The following REDIC1 variants were observed in gnomAD, a reference collection of about 807,000 sequenced individuals.
The protein encoded by REDIC1 is HEI10 Interacting Protein 1.
chr12:39,864,783 T>C, the REDIC1 span: 1 of 1,614,020 alleles, frequency 6.2e-7, no homozygotes, highest in Non-Finnish European at 8.5e-7. Flanking sequence ...GCAAGTGGCG[T>C]TCTGACCTGA....
At chr12:39,696,416 G>A in the REDIC1 span, among the ~76,000 whole-genome samples, 10 of 149,044 alleles carry the variant, frequency 6.7e-5, no homozygotes, top group East Asian at 3.9e-4. Flanking sequence ...AGTGGCGGGC[G>A]CCTGTAGTCC....
At chr12:39,887,439 A>T in the REDIC1 span, among the ~76,000 whole-genome samples, 4 of 152,178 alleles carry the variant, frequency 2.6e-5, no homozygotes, top group Non-Finnish European at 4.4e-5. Flanking sequence ...ATCAATGAAA[A>T]TACACCCAGA....
the REDIC1 span, among the ~76,000 whole-genome samples, chr12:39,634,482 A>G: frequency 2.6e-5 from 4 of 152,154 alleles, no homozygotes; most frequent in African/African-American, 9.7e-5. Context: ...ATAACACCAC[A>G]CACATCTACA....
the REDIC1 span, among the ~76,000 whole-genome samples, chr12:39,875,465 C>G: frequency 1.3e-5 from 2 of 152,194 alleles, no homozygotes; most frequent in African/African-American, 4.8e-5. Context: ...CAGTCTGCAC[C>G]TTAATTTCCT....
chr12:39,712,157 T>TATATGTACATGTATATATACCTGTATGC, the REDIC1 span, among the ~76,000 whole-genome samples: 5 of 144,760 alleles, frequency 3.5e-5, no homozygotes, highest in South Asian at 6.5e-4. Context: ...TCTATACATG[T>TATATGTACATGTATATATACCTGTATGC]ATATGTACAT....
the REDIC1 span, among the ~76,000 whole-genome samples, chr12:39,872,985 T>C: frequency 4.6e-5 from 7 of 152,226 alleles, no homozygotes; most frequent in Non-Finnish European, 1.5e-5. Context: ...TATTTATCAA[T>C]ACCTTCATAA....
chr12:39,880,768 C>A, the REDIC1 span, among the ~76,000 whole-genome samples: 1 of 152,200 alleles, frequency 6.6e-6, no homozygotes, highest in African/African-American at 2.4e-5. Flanking sequence ...TGGCTTCATA[C>A]CTCTGGCGGC....
At chr12:39,901,390 C>T in the REDIC1 span, among the ~76,000 whole-genome samples, 1 of 150,080 alleles carries the variant, frequency 6.7e-6, no homozygotes, top group Non-Finnish European at 1.5e-5. Flanking sequence ...AAACTACCAT[C>T]AGAGTGAACA....
At chr12:39,799,068 TTTTTTTTTTTTCC>T in the REDIC1 span, among the ~76,000 whole-genome samples, 8 of 150,892 alleles carry the variant, frequency 5.3e-5, no homozygotes, top group African/African-American at 1.7e-4. Flanking sequence ...TGTTCTGGTT[TTTTTTTTTTTTCC>T]TTTTTTTTTT....
chr12:39,636,188 C>A, the REDIC1 span, among the ~76,000 whole-genome samples: 2 of 152,098 alleles, frequency 1.3e-5, no homozygotes, highest in Non-Finnish European at 2.9e-5. Context: ...CAGCTTGTAG[C>A]TGTGGAACAG....
the REDIC1 span, among the ~76,000 whole-genome samples, chr12:39,730,712 G>T: frequency 2.0e-5 from 3 of 152,062 alleles, no homozygotes; most frequent in East Asian, 5.8e-4. Context: ...TGCTAGGTTG[G>T]GGGAGTTCTC....
At chr12:39,834,519 A>C in the REDIC1 span, among the ~76,000 whole-genome samples, 3 of 152,116 alleles carry the variant, frequency 2.0e-5, no homozygotes, top group Non-Finnish European at 2.9e-5. Context: ...GTGTATGTGC[A>C]GGCGTAAAGC....
chr12:39,856,585 T>A, the REDIC1 span, among the ~76,000 whole-genome samples: 1 of 152,164 alleles, frequency 6.6e-6, no homozygotes, highest in Admixed American at 6.6e-5. Context: ...GCCAGGATGG[T>A]CTCGATCTCT....
chr12:39,702,885 C>CT, the REDIC1 span, among the ~76,000 whole-genome samples: 1 of 152,152 alleles, frequency 6.6e-6, no homozygotes, highest in Non-Finnish European at 1.5e-5. Context: ...AATTCAACAA[C>CT]CTTCATGCTA....
the REDIC1 span, among the ~76,000 whole-genome samples, chr12:39,737,053 G>T: frequency 6.6e-6 from 1 of 152,126 alleles, no homozygotes; most frequent in Non-Finnish European, 1.5e-5. Flanking sequence ...TCTCCTTACT[G>T]CTGTATTTAC....
the REDIC1 span, among the ~76,000 whole-genome samples, chr12:39,642,714 A>G: frequency 3.9e-5 from 6 of 151,900 alleles, no homozygotes; most frequent in South Asian, 1.2e-3. Context: ...TAACCATAGT[A>G]TGGTCTTTAA....
At chr12:39,777,098 G>A in the REDIC1 span, among the ~76,000 whole-genome samples, 5 of 152,166 alleles carry the variant, frequency 3.3e-5, no homozygotes, top group Non-Finnish European at 7.3e-5. Context: ...TTCGGAATCT[G>A]CGTCCTTGTC....
chr12:39,711,010 G>T, the REDIC1 span, among the ~76,000 whole-genome samples: 1 of 150,978 alleles, frequency 6.6e-6, no homozygotes, highest in African/African-American at 2.4e-5. Flanking sequence ...AGTATACACC[G>T]CACCATATTT....
chr12:39,885,427 T>C, the REDIC1 span, among the ~76,000 whole-genome samples: 1 of 152,154 alleles, frequency 6.6e-6, no homozygotes, highest in African/African-American at 2.4e-5. Flanking sequence ...AGAATCTCTG[T>C]ACCAAATATT....
Sources: allele counts gnomAD v4.1 joint callset (sites outside exome capture counted in the v4.1 genomes callset), GRCh38; gene constraint gnomAD v4.1.1; transcripts MANE v1.5; gene names NCBI Gene and HGNC (gene_info 2026-07-23, HGNC 2026-07-21).